TPO: variants seen among roughly 807,000 people sequenced by gnomAD.
The protein encoded by TPO is thyroid microsomal antigen.
Under a neutral mutation model 96.9 loss-of-function variants are expected in TPO, and 78 were observed. That is an observed-to-expected ratio of 0.81 (90% confidence interval 0.67 to 0.97). The LOEUF (loss-of-function observed/expected upper bound fraction) is 0.97. Ranked by LOEUF, TPO falls within the 50% of genes least tolerant of loss-of-function variation. The pLI, the probability that TPO is intolerant of heterozygous loss-of-function variation, is 0.00. For missense variants in TPO, 1,252 were observed against 1,274.8 expected, an observed-to-expected ratio of 0.98 and a Z score of 0.27; for synonymous variants, 547 against 538.0, an observed-to-expected ratio of 1.02 and a Z score of -0.23.
intron 1 of TPO, among the ~76,000 whole-genome samples, chr2:1,388,104 G>T (rs1661930533): frequency 6.6e-6 from 1 of 152,190 alleles, no homozygotes; most frequent in African/African-American, 2.4e-5. Flanking sequence ...GCTGTGTGAG[G>T]TGTCAGTCTG....
At chr2:1,433,693 C>A in intron 4 of TPO, 86 bp downstream of exon 4, 1 of 1,515,720 alleles carries the variant, frequency 6.6e-7, no homozygotes, top group Non-Finnish European at 9.0e-7. Context: ...TTGCTCAGGG[C>A]ATGTTTTTTA....
At chr2:1,470,115 A>G (rs980519863) in intron 7 of TPO, among the ~76,000 whole-genome samples, 2 of 152,230 alleles carry the variant, frequency 1.3e-5, no homozygotes, top group Admixed American at 6.5e-5. Context: ...TTAATCTTAC[A>G]TAATTCCTAT....
At chr2:1,458,556 A>G (rs530036439) in intron 7 of TPO, among the ~76,000 whole-genome samples, 37 of 152,108 alleles carry the variant, frequency 2.4e-4, no homozygotes, top group Non-Finnish European at 4.7e-4. Context: ...ATGTGTGTAT[A>G]TGGCATATAA....
intron 1 of TPO, among the ~76,000 whole-genome samples, chr2:1,396,888 A>C (rs2148367295): frequency 6.6e-6 from 1 of 152,372 alleles, no homozygotes; most frequent in African/African-American, 2.4e-5. Context: ...GATGCGTTAA[A>C]TAGTTAATGC....
chr2:1,387,332 T>C (rs2148352395), intron 1 of TPO, among the ~76,000 whole-genome samples: 1 of 152,360 alleles, frequency 6.6e-6, no homozygotes, highest in Non-Finnish European at 1.5e-5. Context: ...ATTGTCCCCA[T>C]CACTTTCAGG....
At chr2:1,526,468 TCCACTGTGTGCAACCTCAAGTCCG>T (rs1238750230) in intron 15 of TPO, among the ~76,000 whole-genome samples, 2 of 44,976 alleles carry the variant, frequency 4.4e-5, no homozygotes, top group African/African-American at 1.8e-4. Context: ...CCAAATCCCC[TCCACTGTGTGCAACCTCAAGTCCG>T]CCACTGTGTG....
intron 14 of TPO, among the ~76,000 whole-genome samples, chr2:1,512,113 A>G (rs941801138): frequency 6.6e-6 from 1 of 151,742 alleles, no homozygotes. Flanking sequence ...AGCCCACTGC[A>G]AGCTCCACCT....
chr2:1,540,733 A>ACCATGCCGCATGTTT lies in TPO; in HGVS notation c.2748+14_2748+28dup. The ACCATGCCGCATGTTT allele has an allele frequency of 6.2e-7, 1 of 1,613,186 alleles. No individual in the cohort carries two copies. The highest frequency in any genetic ancestry group is 8.5e-7 in the Non-Finnish European group (1 of 1,179,992). ...TCAGGACTCGGAGCAGGTGGGCCAC[A>ACCATGCCGCATGTTT]CCATGCCGCATGTTTCCAGCTGCCA... On this transcript the variant is annotated intron_variant, in intron 16 of 16. Coordinates refer to ENST00000329066, the MANE Select transcript of TPO (RefSeq NM_001206744.2).
intron 3 of TPO, among the ~76,000 whole-genome samples, chr2:1,424,883 T>G (rs570418790): frequency 8.6e-6 from 1 of 116,660 alleles, no homozygotes; most frequent in Non-Finnish European, 1.9e-5. Context: ...ATGCTCCTTC[T>G]GTAAAGTCAT....
chr2:1,474,663 T>C (rs759374460), intron 7 of TPO, among the ~76,000 whole-genome samples: 4 of 152,222 alleles, frequency 2.6e-5, no homozygotes, highest in Non-Finnish European at 5.9e-5. Context: ...GTTATTTCTA[T>C]TTTGTTAGGG....
chr2:1,462,550 A>T (rs907902531), intron 7 of TPO, among the ~76,000 whole-genome samples: 1 of 152,152 alleles, frequency 6.6e-6, no homozygotes, highest in Non-Finnish European at 1.5e-5. Flanking sequence ...ACAGATATCA[A>T]TGAAAGATAA....
chr2:1,406,717 A>G (rs1573064021), intron 1 of TPO, among the ~76,000 whole-genome samples: 1 of 152,372 alleles, frequency 6.6e-6, no homozygotes, highest in East Asian at 1.9e-4. Context: ...TCCTTCAGGG[A>G]CTGGAGTCAT....
At chr2:1,486,395 GTGTGTGGTGGCAGA>G (rs1671168128) in intron 9 of TPO, among the ~76,000 whole-genome samples, 1 of 151,994 alleles carries the variant, frequency 6.6e-6, no homozygotes, top group African/African-American at 2.4e-5. Context: ...AACATTAGCC[GTGTGTGGTGGCAGA>G]TGCCTGTAGT....
intron 5 of TPO, among the ~76,000 whole-genome samples, chr2:1,443,012 G>A (rs1196665008): frequency 6.6e-6 from 1 of 152,202 alleles, no homozygotes; most frequent in Admixed American, 6.5e-5. Context: ...GAGGTCGGGG[G>A]ATCGCTTGAG....
chr2:1,430,428 G>T (rs1007023836), intron 3 of TPO, among the ~76,000 whole-genome samples: 6 of 152,240 alleles, frequency 3.9e-5, no homozygotes, highest in African/African-American at 1.4e-4. Flanking sequence ...TACTTCAGGG[G>T]CAAAGCCCTC....
chr2:1,431,055 G>T (rs750039018), intron 3 of TPO, among the ~76,000 whole-genome samples: 4 of 152,168 alleles, frequency 2.6e-5, no homozygotes, highest in Middle Eastern at 3.2e-3. Context: ...TTGGGGGAAC[G>T]GGTAGAATAA....
At chr2:1,376,546 C>T (rs1573049041) in intron 1 of TPO, among the ~76,000 whole-genome samples, 2 of 152,210 alleles carry the variant, frequency 1.3e-5, no homozygotes, top group Admixed American at 6.5e-5. Context: ...GGAGCACCAG[C>T]GTGGGGCTGA....
chr2:1,523,162 AC>A (rs1675557128), intron 15 of TPO, among the ~76,000 whole-genome samples: 1 of 53,360 alleles, frequency 1.9e-5, no homozygotes, highest in South Asian at 7.2e-4. Context: ...AAAATCCCCC[AC>A]ACTGTGTGCA....
intron 5 of TPO, chr2:1,438,679 T>G (rs548549431): frequency 1.5e-5 from 8 of 522,998 alleles, no homozygotes; most frequent in South Asian, 4.5e-5. Flanking sequence ...CAGTGGAGGG[T>G]GAATTACAGT....
Sources: allele counts gnomAD v4.1 joint callset (sites outside exome capture counted in the v4.1 genomes callset), GRCh38; gene constraint gnomAD v4.1.1; transcripts MANE v1.5; gene names NCBI Gene and HGNC (gene_info 2026-07-23, HGNC 2026-07-21).